Variants in TRAPPC9 observed in about 807,000 individuals in gnomAD.
TRAPPC9 encodes trafficking protein particle complex subunit 9, also known as IKK2 binding protein.
TRAPPC9 carries 83 observed loss-of-function variants against 124.0 expected under a neutral mutation model. The observed-to-expected ratio is 0.67, with a 90% CI of 0.56 to 0.80. TRAPPC9 has a LOEUF of 0.80. Among genes scored for constraint, TRAPPC9 ranks in the 30% least tolerant of loss-of-function variants. TRAPPC9 has a pLI of 0.00. For synonymous variants in TRAPPC9, 638 were observed against 617.5 expected, an observed-to-expected ratio of 1.03 and a Z score of -0.49; for missense variants, 1,302 against 1,508.3, an observed-to-expected ratio of 0.86 and a Z score of 2.27.
intron 5 of TRAPPC9, among the ~76,000 whole-genome samples, chr8:140,416,397 TCTCC>T (rs1285552232): frequency 2.4e-4 from 36 of 151,794 alleles, no homozygotes; most frequent in Non-Finnish European, 4.7e-4. Flanking sequence ...AATCAAAAAA[TCTCC>T]CAGAAAGAAA....
At chr8:140,020,755 G>A (rs548192156) in intron 18 of TRAPPC9, among the ~76,000 whole-genome samples, 1 of 152,222 alleles carries the variant, frequency 6.6e-6, no homozygotes, top group African/African-American at 2.4e-5. Context: ...AAATGTTGAC[G>A]TTTTCAACTA....
chr8:140,312,040 C>A (rs141497831), intron 9 of TRAPPC9, among the ~76,000 whole-genome samples: 1 of 152,348 alleles, frequency 6.6e-6, no homozygotes, highest in South Asian at 2.1e-4. Flanking sequence ...AGGACTCAGG[C>A]TGGCTCAGGA....
At chr8:139,943,393 AC>A (rs1490585308) in intron 19 of TRAPPC9, among the ~76,000 whole-genome samples, 11 of 152,228 alleles carry the variant, frequency 7.2e-5, no homozygotes, top group African/African-American at 2.7e-4. Context: ...TTACAGTCCA[AC>A]AAAGATAAAC....
intron 19 of TRAPPC9, among the ~76,000 whole-genome samples, chr8:139,940,186 C>T (rs1252208501): frequency 2.6e-5 from 4 of 152,138 alleles, no homozygotes; most frequent in Admixed American, 1.3e-4. Flanking sequence ...ACACAAGGAG[C>T]GCAGGTGGGT....
chr8:139,824,532 CTTTATA>C (rs1825487420), intron 21 of TRAPPC9, among the ~76,000 whole-genome samples: 2 of 152,184 alleles, frequency 1.3e-5, no homozygotes, highest in East Asian at 1.9e-4. Flanking sequence ...TGGACTTTAC[CTTTATA>C]TTTATATTTA....
intron 7 of TRAPPC9, among the ~76,000 whole-genome samples, chr8:140,377,586 C>G (rs2068480462): frequency 6.6e-6 from 1 of 152,180 alleles, no homozygotes; most frequent in African/African-American, 2.4e-5. Flanking sequence ...TGAGCCACTG[C>G]ACCCAGCCAA....
chr8:139,949,466 C>T (rs1033661178), intron 19 of TRAPPC9, among the ~76,000 whole-genome samples: 5 of 152,166 alleles, frequency 3.3e-5, no homozygotes, highest in East Asian at 3.8e-4. Flanking sequence ...TAGCGTCATT[C>T]GTGACAGACA....
intron 17 of TRAPPC9, among the ~76,000 whole-genome samples, chr8:140,207,515 T>G (rs1370020944): frequency 1.3e-5 from 2 of 152,230 alleles, no homozygotes; most frequent in Non-Finnish European, 2.9e-5. Context: ...AGCACACATC[T>G]CCTTCCACTG....
At chr8:140,058,315 C>G (rs1842404615) in intron 17 of TRAPPC9, among the ~76,000 whole-genome samples, 1 of 152,148 alleles carries the variant, frequency 6.6e-6, no homozygotes, top group Non-Finnish European at 1.5e-5. Context: ...TGTAAATGTC[C>G]ACGGGGTTCA....
At chr8:139,970,095 C>T (rs748057724) in intron 19 of TRAPPC9, among the ~76,000 whole-genome samples, 8 of 152,190 alleles carry the variant, frequency 5.3e-5, no homozygotes, top group East Asian at 1.9e-4. Context: ...CTGTTTTCTA[C>T]GAGACCTCCT....
At chr8:140,136,643 G>T (rs1214531374) in intron 17 of TRAPPC9, among the ~76,000 whole-genome samples, 3 of 152,184 alleles carry the variant, frequency 2.0e-5, no homozygotes, top group African/African-American at 4.8e-5. Context: ...TTCAAGACCA[G>T]CCTGGCCAAT....
intron 6 of TRAPPC9, among the ~76,000 whole-genome samples, chr8:140,400,630 C>A (rs76924852): frequency 7.6e-4 from 116 of 152,230 alleles, no homozygotes; most frequent in African/African-American, 2.6e-3. Flanking sequence ...GAAAAGCCTT[C>A]GTGGAATTTC....
chr8:140,372,424 G>A (rs2132247968), intron 7 of TRAPPC9, among the ~76,000 whole-genome samples: 1 of 152,258 alleles, frequency 6.6e-6, no homozygotes, highest in Non-Finnish European at 1.5e-5. Context: ...GCCCTCGTCA[G>A]CCCTCATCTG....
chr8:140,036,044 G>A (rs965920650), intron 17 of TRAPPC9, among the ~76,000 whole-genome samples: 11 of 152,254 alleles, frequency 7.2e-5, no homozygotes, highest in Admixed American at 5.9e-4. Flanking sequence ...CAACTCACCC[G>A]TCACTGGACA....
chr8:140,068,217 G>C (rs184192290), intron 17 of TRAPPC9, among the ~76,000 whole-genome samples: 4 of 152,252 alleles, frequency 2.6e-5, no homozygotes, highest in African/African-American at 7.2e-5. Flanking sequence ...GAAGTGGAAG[G>C]CTTCATGGAG....
intron 17 of TRAPPC9, among the ~76,000 whole-genome samples, chr8:140,136,885 C>A (rs1376266776): frequency 1.3e-5 from 2 of 152,104 alleles, no homozygotes; most frequent in Admixed American, 6.5e-5. Context: ...CATGAGCTGA[C>A]CAAGGGTGCT....
chr8:140,308,785 G>A (rs1468250040), intron 10 of TRAPPC9, among the ~76,000 whole-genome samples: 1 of 151,954 alleles, frequency 6.6e-6, no homozygotes, highest in Non-Finnish European at 1.5e-5. Context: ...GGAGGCTGAG[G>A]CAGAAGAATC....
intron 21 of TRAPPC9, among the ~76,000 whole-genome samples, chr8:139,759,070 G>C (rs1820047247): frequency 6.6e-6 from 1 of 152,006 alleles, no homozygotes; most frequent in Admixed American, 6.5e-5. Context: ...GGCAACTGGT[G>C]AGTGGGCCGG....
In TRAPPC9 at chr8:140,069,791, A is replaced by G. The variant is rs189151944; in HGVS notation, c.2557-45712T>C. Among the ~76,000 whole-genome samples, 323 of 152,302 alleles carry G rather than the reference A, an allele frequency of 2.1e-3. 1 individual carries two copies. Among genetic ancestry groups the G allele is most frequent in the African/African-American group, 7.3e-3 (303 of 41,576 alleles). On this transcript the variant is annotated intron_variant, in intron 17 of 22. Coordinates refer to ENST00000438773, the MANE Select transcript of TRAPPC9 (RefSeq NM_001160372.4). The stretch of plus-strand genomic sequence containing the variant: ...CAAGCTGGAGAACCAGAGGAGCTGC[A>G]GGTCCGAAAGCCTCAAAGCCAGTGA...
Sources: gnomAD v4.1 joint callset for allele counts (sites outside exome capture counted in the v4.1 genomes callset) on GRCh38, gnomAD v4.1.1 for gene constraint, MANE v1.5 for transcripts, NCBI Gene and HGNC (gene_info 2026-07-23, HGNC 2026-07-21) for gene names.